CDR2L: variants seen among roughly 807,000 people sequenced by gnomAD.
CDR2L encodes cerebellar degeneration related protein 2 like.
A neutral mutation model predicts 36.1 loss-of-function variants in CDR2L; 19 were observed. That is an observed-to-expected ratio of 0.53 (90% CI 0.37 to 0.77). The LOEUF (loss-of-function observed/expected upper bound fraction) is 0.77, where lower values mean the gene tolerates loss of function less well. Ranked by LOEUF, CDR2L falls within the 30% of genes least tolerant of loss-of-function variation. CDR2L has a pLI of 0.00. For missense variants in CDR2L, 575 were observed against 627.2 expected, an observed-to-expected ratio of 0.92 and a Z score of 0.89; for synonymous variants, 285 against 280.4, an observed-to-expected ratio of 1.02 and a Z score of -0.16.
rs2039781801 is a variant in CDR2L, at chr17:74,989,349, G to T, written c.79+1227G>T. On this transcript the variant is annotated intron_variant, in intron 1 of 4. Coordinates refer to ENST00000337231, the MANE Select transcript of CDR2L (RefSeq NM_014603.3). The surrounding 1 kb of genome is among the most constrained non-coding windows in gnomAD (Gnocchi z 4.2). ...GGGATGCTGGACTAGGCCCTGCCAT[G>T]GTCTGTGCCCTGGACTCTGGCCTCA... 6.6e-6 allele frequency among the ~76,000 whole-genome samples: 1 copy of T among 150,820 alleles called. No homozygotes were observed. The highest frequency in any genetic ancestry group is 2.4e-5 in the African/African-American group (1 of 40,864).
chr17:74,993,463 CAG>C (rs978024593), intron 1 of CDR2L, among the ~76,000 whole-genome samples: 2 of 152,094 alleles, frequency 1.3e-5, no homozygotes, highest in African/African-American at 4.8e-5. Flanking sequence ...TTTGTAGAGA[CAG>C]GGGTCTCACT....
At chr17:74,994,369 A>G (rs1394655712) in intron 1 of CDR2L, among the ~76,000 whole-genome samples, 3 of 152,168 alleles carry the variant, frequency 2.0e-5, no homozygotes, top group Non-Finnish European at 4.4e-5. Context: ...CTAGATTGAG[A>G]GCTGTTTTAA....
chr17:74,997,084 C>CTTTTTTTT lies in CDR2L; in HGVS notation c.80-2415_80-2408dup, dbSNP rs146651171. ...TCTTTCTTTCTTTCTTTCTTTCTTT[C>CTTTTTTTT]TTTTTTTTTTTTGAGACTGAGTCTC... On this transcript the variant is annotated intron_variant, in intron 1 of 4. Transcript: ENST00000337231. Among the ~76,000 whole-genome samples the CTTTTTTTT allele has an allele frequency of 4.1e-4, 30 of 73,342 alleles. 4 individuals are homozygous for CTTTTTTTT. Among genetic ancestry groups the CTTTTTTTT allele is most frequent in the African/African-American group, 1.8e-3 (29 of 16,098 alleles). 48.1% of individuals were successfully genotyped at this position (73,342 alleles called of 152,430 possible). A position where few individuals can be genotyped will look rare whatever the true frequency, so the allele number is the denominator to read the frequency against.
chr17:75,001,224 A>G, intron 2 of CDR2L, 117 bp from the exon 3 acceptor site: 1 of 1,123,762 alleles, frequency 8.9e-7, no homozygotes, highest in East Asian at 2.7e-5. Flanking sequence ...ACACAGTGAG[A>G]CTCTGTATCA....
At chr17:74,988,373 G>C (rs779587914) in intron 1 of CDR2L, among the ~76,000 whole-genome samples, 6 of 152,152 alleles carry the variant, frequency 3.9e-5, no homozygotes, top group Non-Finnish European at 8.8e-5. Context: ...CCAGACGACC[G>C]GGCATCCGTC....
chr17:74,990,962 A>G (rs948319240), intron 1 of CDR2L, among the ~76,000 whole-genome samples: 2 of 152,246 alleles, frequency 1.3e-5, no homozygotes, highest in Non-Finnish European at 2.9e-5. Flanking sequence ...CCCAAAGGGC[A>G]GGCCCTGATT....
chr17:75,000,070 G>GA (rs896987028), intron 2 of CDR2L, among the ~76,000 whole-genome samples: 5 of 151,996 alleles, frequency 3.3e-5, no homozygotes, highest in African/African-American at 1.2e-4. Flanking sequence ...CAAGGTGGGT[G>GA]AAATACTTGA....
At chr17:74,988,830 C>G (rs2039779290) in intron 1 of CDR2L, among the ~76,000 whole-genome samples, 1 of 152,128 alleles carries the variant, frequency 6.6e-6, no homozygotes, top group Non-Finnish European at 1.5e-5. Context: ...CTCCGCTGCC[C>G]CCAGTTGCCA....
rs1555635972 is a variant in CDR2L, at chr17:74,999,325, C to CAAAAAA, written c.80-174_80-173insAAAAAA. 2.4e-4 allele frequency among the ~76,000 whole-genome samples: 37 copies of CAAAAAA among 151,092 alleles called. No homozygotes were observed. In the East Asian group the frequency reaches 2.6e-3, roughly 11 times the overall value. ...ACACACACACACACACAGACACACA[C>CAAAAAA]AAAAAGAACATTCCAGGCAGAAATA... On this transcript the variant is annotated intron_variant, in intron 1 of 4. Transcript: ENST00000337231.
chr17:74,994,911 A>G (rs150746002), intron 1 of CDR2L, among the ~76,000 whole-genome samples: 1,826 of 152,240 alleles, frequency 0.012, 38 homozygotes, highest in African/African-American at 0.042. Flanking sequence ...TCTACTAAAA[A>G]TACAAAAATT....
At chr17:75,000,359 G>A (rs12936487) in intron 2 of CDR2L, among the ~76,000 whole-genome samples, 5 of 22,302 alleles carry the variant, frequency 2.2e-4, no homozygotes, top group Admixed American at 1.3e-3. Flanking sequence ...GTGCAGTGGC[G>A]CGATCTGGGC....
Position 75,003,320 on chromosome 17 carries a change from G to A in CDR2L, c.644G>A (p.Arg215Gln). The stretch of plus-strand genomic sequence containing the variant: ...AGCCAGGAGCGGCAGCGCAAGGAGC[G>A]GGCGGAGCGCGAGTACACCGCGGTG... Reference protein sequence around the residue: ...QVSQERQRKERAEREYTAVLQ... With the variant: ...QVSQERQRKEQAEREYTAVLQ... Residue 215 changes from arginine (R) to glutamine (Q), a missense_variant, in exon 5 of 5, where the codon CGG (arginine) becomes CAG (glutamine). Physicochemically the swap from Arg to Gln is conservative, Grantham distance 43. Coordinates refer to ENST00000337231, the MANE Select transcript of CDR2L (RefSeq NM_014603.3). The A allele has an allele frequency of 6.4e-7, 1 of 1,555,186 alleles. No individual in the cohort carries two copies. The highest frequency in any genetic ancestry group is 8.7e-7 in the Non-Finnish European group (1 of 1,150,260).
At chr17:74,996,488 A>T (rs1425521257) in intron 1 of CDR2L, among the ~76,000 whole-genome samples, 3 of 151,792 alleles carry the variant, frequency 2.0e-5, no homozygotes, top group Admixed American at 6.6e-5. Context: ...TATATTTAAT[A>T]TACATATGTG....
chr17:74,997,934 A>AAG (rs1169770617), intron 1 of CDR2L, among the ~76,000 whole-genome samples: 1 of 149,452 alleles, frequency 6.7e-6, no homozygotes, highest in Admixed American at 6.6e-5. Context: ...AAAAAAAAAA[A>AAG]AAAGTACCGG....
At position 75,003,437 on chromosome 17, in the gene CDR2L, T is replaced by A; in HGVS notation, c.761T>A (p.Leu254Gln). 6.3e-7 allele frequency: 1 copy of A among 1,577,696 alleles called. No homozygotes were observed. Among genetic ancestry groups the A allele is most frequent in the South Asian group, 1.2e-5 (1 of 85,900 alleles). The change falls in exon 5 of 5, where the codon CTG becomes CAG. Residue 254 changes from leucine to glutamine, a missense_variant. Leu to Gln is a moderately radical substitution (Grantham distance 113, BLOSUM62 -2). Transcript: ENST00000337231. ...VQELEAELLE[L>Q]QQMKQAKTYL... Reference sequence around the variant, plus strand: ...GAGCTGGAGGCCGAGCTGCTGGAGCTGCAGCAGATGAAGCAGGCCAAGACC... The same window carrying A: ...GAGCTGGAGGCCGAGCTGCTGGAGCAGCAGCAGATGAAGCAGGCCAAGACC...
At position 74,987,981 on chromosome 17, in the gene CDR2L, C is replaced by A. The variant is rs1598649879; in HGVS notation, c.-63C>A. 3.8e-6 allele frequency: 4 copies of A among 1,054,982 alleles called. No homozygotes were observed. Among genetic ancestry groups the A allele is most frequent in the Non-Finnish European group, 1.3e-6 (1 of 790,420 alleles). The allele number at this position is 1,054,982 out of a possible 1,614,324, so 65.4% of individuals were successfully genotyped here. A position where few individuals can be genotyped will look rare whatever the true frequency, so the allele number is the denominator to read the frequency against. On this transcript the variant is annotated 5_prime_UTR_variant, in exon 1 of 5. Coordinates refer to ENST00000337231, the MANE Select transcript of CDR2L (RefSeq NM_014603.3). ...CCCGGCCCGCCTCAGCCGCATTGTC[C>A]CGGGCCGCGCGCACCGGCCCTGAGC...
intron 1 of CDR2L, among the ~76,000 whole-genome samples, chr17:74,995,798 C>G (rs888188631): frequency 6.6e-6 from 1 of 152,148 alleles, no homozygotes; most frequent in South Asian, 2.1e-4. Flanking sequence ...CCACTGCACC[C>G]GGCCTAAATC....
intron 1 of CDR2L, 22 bp downstream of exon 1, chr17:74,988,144 A>G (rs2144853163): frequency 6.7e-7 from 1 of 1,481,492 alleles, no homozygotes; most frequent in Non-Finnish European, 9.0e-7. Flanking sequence ...GGCGACCGGG[A>G]CAGGAAGGCG....
At position 75,003,901 on chromosome 17, in the gene CDR2L, G is replaced by C. The variant is rs745496157; in HGVS notation, c.1225G>C (p.Gly409Arg). 6 of 1,608,470 alleles carry C rather than the reference G, an allele frequency of 3.7e-6. No individual in the cohort carries two copies. The highest frequency in any genetic ancestry group is 5.1e-6 in the Non-Finnish European group (6 of 1,177,750). Residue 409 changes from glycine (G) to arginine (R), a missense_variant, in exon 5 of 5, where the codon GGT becomes CGT. Physicochemically the swap from Gly to Arg is moderately radical, Grantham distance 125. Transcript: ENST00000337231. ...CCTGCGCGGGGGTGAGGAGGGCCAG[G>C]GTGAGGTCAAGGCAGGAGAGAAGAG... The part of the protein sequence containing the change: ...RDLRGGEEGQ[G>R]EVKAGEKSLS...
Sources: allele counts gnomAD v4.1 joint callset (sites outside exome capture counted in the v4.1 genomes callset), GRCh38; gene constraint gnomAD v4.1.1; non-coding constraint Gnocchi (gnomAD v3.1); transcripts MANE v1.5; gene names NCBI Gene and HGNC (gene_info 2026-07-23, HGNC 2026-07-21).